Variants in STAMBP observed in about 807,000 individuals in gnomAD.
STAMBP encodes the protein STAM binding protein.
A neutral mutation model predicts 50.7 loss-of-function variants in STAMBP; 31 were observed. The ratio of observed to expected loss-of-function variants is 0.61; its 90% confidence interval spans 0.46 to 0.83. STAMBP has a LOEUF of 0.83. STAMBP is among the 40% of genes least tolerant of loss of function. The pLI is 0.00. For missense variants in STAMBP, 472 were observed against 518.9 expected (o/e 0.91, Z 0.88); for synonymous variants, 211 against 192.4 (o/e 1.10, Z -0.80).
In STAMBP at chr2:73,830,950, C is replaced by G; in HGVS notation, c.94C>G (p.Pro32Ala). 6.2e-7 allele frequency: 1 copy of G among 1,614,158 alleles called. No homozygotes were observed. Among genetic ancestry groups the G allele is most frequent in the Non-Finnish European group, 8.5e-7 (1 of 1,180,000 alleles). Residue 32 changes from proline (P) to alanine (A), a missense_variant, in exon 2 of 10, where the codon CCA becomes GCA. By Grantham distance (27) the Pro-to-Ala change is conservative (BLOSUM62 -1). Coordinates refer to ENST00000394070, the MANE Select transcript of STAMBP (RefSeq NM_213622.4). ...TGCGGTAGAGGTGAATGAAGACATT[C>G]CACCCCGTCGGTACTTCCGCTCTGG... ...GSAVEVNEDIPPRRYFRSGVE... is the reference protein window; with the variant it reads ...GSAVEVNEDIAPRRYFRSGVE...
chr2:73,830,889 C>T lies in STAMBP; in HGVS notation c.33C>T (p.Pro11=), dbSNP rs145371363. The stretch of plus-strand genomic sequence containing the variant: ...ACCATGGAGATGTGAGCCTCCCGCC[C>T]GAAGACCGGGTGAGGGCTCTCTCCC... The part of the protein sequence containing the change: MSDHGDVSLP[P]EDRVRALSQL... Residue 11 remains proline (P), a synonymous_variant, in exon 2 of 10, where the codon CCC becomes CCT. Coordinates refer to ENST00000394070, the MANE Select transcript of STAMBP (RefSeq NM_213622.4). The T allele has an allele frequency of 1.3e-4, 212 of 1,613,624 alleles. No individual in the cohort carries two copies. The Admixed American group carries it at 1.4e-3, about 11-fold the overall frequency.
chr2:73,840,306 G>A lies in STAMBP; in HGVS notation c.204-4507G>A, dbSNP rs575445966. Among the ~76,000 whole-genome samples the A allele has an allele frequency of 7.7e-3, 1,071 of 139,812 alleles. 17 individuals are homozygous for A. Among genetic ancestry groups the A allele is most frequent in the African/African-American group, 0.029 (1,022 of 35,724 alleles). The allele number at this position is 139,812 out of a possible 152,430, so 91.7% of individuals were successfully genotyped here. A position where few individuals can be genotyped will look rare whatever the true frequency, so the allele number is the denominator to read the frequency against. The stretch of plus-strand genomic sequence containing the variant: ...ACAATCCCCTATTGATGGACATTTA[G>A]GGGTTTGTTTTTTTTTTTTTTTTCA... On this transcript the variant is annotated intron_variant, in intron 2 of 9. Coordinates refer to ENST00000394070, the MANE Select transcript of STAMBP (RefSeq NM_213622.4).
At position 73,860,057 on chromosome 2, in the gene STAMBP, G is replaced by A. The variant is rs921211408; in HGVS notation, c.1124G>A (p.Gly375Glu). ...CTGCCTTTTTTAAATTTCAGAACTGGATTCTTTAAACTAACTGACCATGGA... is the reference window on the plus strand; with the variant it reads ...CTGCCTTTTTTAAATTTCAGAACTGAATTCTTTAAACTAACTGACCATGGA... The part of the protein sequence containing the change: ...IVCSPKFQET[G>E]FFKLTDHGLE... Residue 375 changes from glycine to glutamate, a missense_variant, in exon 9 of 10, where the codon GGA becomes GAA. Gly to Glu is a moderately conservative substitution (Grantham distance 98). Coordinates refer to ENST00000394070, the MANE Select transcript of STAMBP (RefSeq NM_213622.4). 2 of 1,609,106 alleles carry A rather than the reference G, an allele frequency of 1.2e-6. No homozygotes were observed. Among genetic ancestry groups the A allele is most frequent in the East Asian group, 4.5e-5 (2 of 44,886 alleles).
downstream of STAMBP, among the ~76,000 whole-genome samples, chr2:73,868,853 C>G (rs184326767): frequency 2.0e-5 from 3 of 151,272 alleles, no homozygotes; most frequent in Admixed American, 6.6e-5. Context: ...CCAGCCTGGA[C>G]GAGGGTGAGA....
In STAMBP at chr2:73,864,713, C is replaced by T. The variant is rs1474973049; in HGVS notation, c.*2454C>T. The T allele has an allele frequency of 6.6e-6, 1 of 152,240 alleles. No homozygotes were observed. The highest frequency in any genetic ancestry group is 1.5e-5 in the Non-Finnish European group (1 of 68,064). 9.4% of individuals were successfully genotyped at this position (152,240 alleles called of 1,614,324 possible). A position where few individuals can be genotyped will look rare whatever the true frequency, so the allele number is the denominator to read the frequency against. Reference sequence around the variant, plus strand: ...AGACCAGGAGACTTTTCCACTCTTGCAAGCTGCACAAGTACCATACTTAGT... The same window carrying T: ...AGACCAGGAGACTTTTCCACTCTTGTAAGCTGCACAAGTACCATACTTAGT... On this transcript the variant is annotated 3_prime_UTR_variant, in exon 10 of 10. Transcript: ENST00000394070.
In STAMBP at chr2:73,862,994, T is replaced by C. The variant is rs903431739; in HGVS notation, c.*735T>C. 2 of 152,364 alleles carry C rather than the reference T, an allele frequency of 1.3e-5. No homozygotes were observed. The highest frequency in any genetic ancestry group is 4.1e-4 in the South Asian group (2 of 4,834). 9.4% of individuals were successfully genotyped at this position (152,364 alleles called of 1,614,324 possible). On this transcript the variant is annotated 3_prime_UTR_variant, in exon 10 of 10. Coordinates refer to ENST00000394070, the MANE Select transcript of STAMBP (RefSeq NM_213622.4). ...AGGAAAAATGGAATTTGAGATATAC[T>C]GACACTGATGGTGTGTCCCAGTTCA... is the stretch of plus-strand genomic sequence containing the variant.
intron 2 of STAMBP, among the ~76,000 whole-genome samples, chr2:73,834,991 A>T (rs1296465802): frequency 4.6e-5 from 7 of 152,212 alleles, no homozygotes; most frequent in African/African-American, 1.7e-4. Context: ...CATGGTAAGG[A>T]GTCTGTTTTT....
intron 2 of STAMBP, among the ~76,000 whole-genome samples, chr2:73,842,892 G>A (rs1337823690): frequency 6.6e-6 from 1 of 152,160 alleles, no homozygotes; most frequent in African/African-American, 2.4e-5. Flanking sequence ...AGCTCGCAGT[G>A]TAGTTCTATA....
rs1678564168 is a variant in STAMBP, at chr2:73,863,374, C to T, written c.*1115C>T. On this transcript the variant is annotated 3_prime_UTR_variant, in exon 10 of 10. Transcript: ENST00000394070. The stretch of plus-strand genomic sequence containing the variant: ...GAAATAATGGTGTCATTTGTGACAC[C>T]TCGAGTGAGGGCAGGAGAGTAAATA... 6.6e-6 allele frequency: 1 copy of T among 151,966 alleles called. No individual in the cohort carries two copies. The highest frequency in any genetic ancestry group is 1.5e-5 in the Non-Finnish European group (1 of 68,006). 9.4% of individuals were successfully genotyped at this position (151,966 alleles called of 1,614,324 possible).
intron 7 of STAMBP, among the ~76,000 whole-genome samples, chr2:73,856,908 C>G (rs1375173759): frequency 1.3e-5 from 2 of 152,146 alleles, no homozygotes; most frequent in Non-Finnish European, 2.9e-5. Flanking sequence ...ATGGGGTTCC[C>G]CTTGCCAGTT....
intron 2 of STAMBP, among the ~76,000 whole-genome samples, chr2:73,837,038 G>A (rs796411609): frequency 3.9e-5 from 6 of 152,292 alleles, no homozygotes; most frequent in Admixed American, 6.5e-5. Flanking sequence ...TCTGTGAACC[G>A]GAATAGGAAA....
At chr2:73,872,778 C>T (rs1028369932) in intron 10 of STAMBP, among the ~76,000 whole-genome samples, 2 of 152,136 alleles carry the variant, frequency 1.3e-5, no homozygotes, top group Non-Finnish European at 2.9e-5. Flanking sequence ...GAAAGGATTT[C>T]AGACAGATTC....
chr2:73,839,013 T>C (rs1675053114), intron 2 of STAMBP, among the ~76,000 whole-genome samples: 1 of 152,230 alleles, frequency 6.6e-6, no homozygotes, highest in Non-Finnish European at 1.5e-5. Flanking sequence ...GTGGCTCAGC[T>C]TTGGCAGTTA....
downstream of STAMBP, among the ~76,000 whole-genome samples, chr2:73,869,197 C>T (rs1679097890): frequency 6.6e-6 from 1 of 152,140 alleles, no homozygotes; most frequent in Admixed American, 6.5e-5. Flanking sequence ...CTAAAAGATA[C>T]ATTTTAAAAC....
At chr2:73,844,636 C>T in intron 2 of STAMBP, 177 bp from the exon 3 acceptor site, 2 of 463,446 alleles carry the variant, frequency 4.3e-6, no homozygotes, top group Non-Finnish European at 7.6e-6. Flanking sequence ...GACTCTGGCT[C>T]TTTAGGGGGA....
intron 9 of STAMBP, among the ~76,000 whole-genome samples, chr2:73,861,919 C>T (rs955889900): frequency 9.2e-5 from 14 of 152,084 alleles, no homozygotes; most frequent in Admixed American, 6.5e-4. Flanking sequence ...AGGCAGATTA[C>T]TTGAGGTCAG....
intron 2 of STAMBP, among the ~76,000 whole-genome samples, chr2:73,834,780 C>G (rs745703717): frequency 4.2e-4 from 64 of 152,158 alleles, no homozygotes; most frequent in Non-Finnish European, 5.6e-4. Context: ...GGATGCAATA[C>G]AGTTGGTCAT....
chr2:73,832,082 A>AATATATATATATATAT (rs1558553820), intron 2 of STAMBP, among the ~76,000 whole-genome samples: 2 of 85,846 alleles, frequency 2.3e-5, no homozygotes, highest in African/African-American at 1.2e-4. Context: ...TTGAGTAGGT[A>AATATATATATATATAT]ACATATATAT....
intron 5 of STAMBP, 148 bp downstream of exon 5, chr2:73,847,901 C>CT (rs1222796073): frequency 9.5e-7 from 1 of 1,056,816 alleles, no homozygotes; most frequent in African/African-American, 1.6e-5. Context: ...GTACTGTGTC[C>CT]TAATACACTG....
Sources: allele counts gnomAD v4.1 joint callset (sites outside exome capture counted in the v4.1 genomes callset), GRCh38; gene constraint gnomAD v4.1.1; transcripts MANE v1.5; gene names NCBI Gene and HGNC (gene_info 2026-07-23, HGNC 2026-07-21).